The following RGSL1 variants were observed in gnomAD, a reference collection of about 807,000 sequenced individuals.
RGSL1 encodes the protein regulator of G protein signaling like 1.
A neutral mutation model predicts 124.7 loss-of-function variants in RGSL1; 97 were observed. The ratio of observed to expected loss-of-function variants is 0.78; its 90% CI spans 0.66 to 0.92. The LOEUF is 0.92. Ranked by LOEUF, RGSL1 falls within the 40% of genes least tolerant of loss-of-function variation. The pLI is 0.00. For missense variants in RGSL1, 1,233 were observed against 1,288.4 expected, an observed-to-expected ratio of 0.96 and a Z score of 0.66; for synonymous variants, 424 against 438.1, an observed-to-expected ratio of 0.97 and a Z score of 0.40.
At chr1:182,523,356 T>C (rs536777047) in intron 10 of RGSL1, among the ~76,000 whole-genome samples, 2 of 152,230 alleles carry the variant, frequency 1.3e-5, no homozygotes, top group Admixed American at 6.5e-5. Context: ...CGTTTATTGA[T>C]GACATTCATT....
intron 6 of RGSL1, among the ~76,000 whole-genome samples, chr1:182,479,516 A>G (rs764471296): frequency 5.3e-5 from 8 of 152,190 alleles, no homozygotes; most frequent in Non-Finnish European, 1.2e-4. Context: ...AAAGATAAAA[A>G]GAAAATAAAG....
chr1:182,455,235 A>G (rs1239415014), intron 2 of RGSL1, among the ~76,000 whole-genome samples: 4 of 152,178 alleles, frequency 2.6e-5, no homozygotes, highest in Non-Finnish European at 5.9e-5. Flanking sequence ...AAAGACAAGG[A>G]GGTACTTGAC....
chr1:182,559,079 T>A (rs999964512), intron 21 of RGSL1, among the ~76,000 whole-genome samples: 3 of 152,208 alleles, frequency 2.0e-5, no homozygotes, highest in African/African-American at 7.2e-5. Context: ...TAGCTCTGAC[T>A]ATTCTTTCTG....
Position 182,553,514 on chromosome 1 carries a change from C to A in RGSL1, c.3103C>A (p.Arg1035=), listed in dbSNP as rs373882372. ...AGGTATTGAGTGGTTGCAGCCTCAACGGGAAGCAATAAGTTCAGTTCAAAA... is the reference window on the plus strand; with the variant it reads ...AGGTATTGAGTGGTTGCAGCCTCAAAGGGAAGCAATAAGTTCAGTTCAAAA... The part of the protein sequence containing the change: ...LRGIEWLQPQ[R]EAISSVQNSS... Residue 1035 remains arginine (R), a synonymous_variant, in exon 19 of 22, where the codon CGG becomes AGG. Coordinates refer to ENST00000294854, the MANE Select transcript of RGSL1 (RefSeq NM_001137669.2). The A allele has an allele frequency of 6.4e-7, 1 of 1,551,894 alleles. No individual in the cohort carries two copies. Among genetic ancestry groups the A allele is most frequent in the Middle Eastern group, 1.7e-4 (1 of 5,994 alleles).
chr1:182,454,586 A>ATGTG (rs68163917), intron 2 of RGSL1, among the ~76,000 whole-genome samples: 2,058 of 144,570 alleles, frequency 0.014, 30 homozygotes, highest in African/African-American at 0.045. Context: ...CTTGAGTTGT[A>ATGTG]TGTGTGTGTG....
intron 8 of RGSL1, among the ~76,000 whole-genome samples, chr1:182,491,089 T>A (rs919313437): frequency 2.0e-5 from 3 of 151,144 alleles, no homozygotes; most frequent in Non-Finnish European, 4.4e-5. Context: ...GGTCTTGCCA[T>A]GTTGCCCAGG....
At chr1:182,514,393 C>T (rs1657703653) in intron 9 of RGSL1, among the ~76,000 whole-genome samples, 1 of 152,202 alleles carries the variant, frequency 6.6e-6, no homozygotes. Context: ...AGTTCGCCCC[C>T]TTCCCTGATG....
chr1:182,479,238 A>G (rs918084309), intron 6 of RGSL1, among the ~76,000 whole-genome samples: 1 of 152,216 alleles, frequency 6.6e-6, no homozygotes, highest in African/African-American at 2.4e-5. Flanking sequence ...CACTTTGAAC[A>G]CTAGTGTGTA....
chr1:182,490,860 G>T (rs1002923450), intron 8 of RGSL1, among the ~76,000 whole-genome samples: 2 of 151,436 alleles, frequency 1.3e-5, no homozygotes, highest in African/African-American at 2.4e-5. Flanking sequence ...TCTCAGGTAG[G>T]TTGGTGTCTC....
chr1:182,557,173 T>C (rs1285016868), intron 21 of RGSL1, among the ~76,000 whole-genome samples: 1 of 152,154 alleles, frequency 6.6e-6, no homozygotes, highest in African/African-American at 2.4e-5. Flanking sequence ...GGAGAGCCCC[T>C]TGGGCCCCTG....
rs983784635 is a variant in RGSL1, at chr1:182,473,853, A to T, written c.742A>T (p.Ser248Cys). 1.3e-6 allele frequency: 2 copies of T among 1,551,692 alleles called. No homozygotes were observed. Among genetic ancestry groups the T allele is most frequent in the African/African-American group, 2.7e-5 (2 of 73,052 alleles). ...CCACCACTTTCAGAAACGGTACTCA[A>T]GCAGGAAAGCCAAGAGGAAGATGTG... ...KCHHFQKRYS[S>C]RKAKRKMWQL... The change falls in exon 6 of 22, where the codon AGC (serine) becomes TGC (cysteine). Residue 248 changes from serine (S) to cysteine (C), a missense_variant. By Grantham distance (112) the Ser-to-Cys change is moderately radical (BLOSUM62 -1). Coordinates refer to ENST00000294854, the MANE Select transcript of RGSL1 (RefSeq NM_001137669.2).
chr1:182,530,917 G>T lies in RGSL1; in HGVS notation c.2364+7G>T. The T allele has an allele frequency of 6.5e-7, 1 of 1,544,476 alleles. No homozygotes were observed. ...TTACCTACAGGAATCCCAGGTTAGT[G>T]AAGAAGAAAGTGAAACAAGACATTA... On this transcript the variant is annotated splice_region_variant and intron_variant, in intron 13 of 21. Coordinates refer to ENST00000294854, the MANE Select transcript of RGSL1 (RefSeq NM_001137669.2).
At chr1:182,465,295 T>C (rs1006490700) in intron 4 of RGSL1, among the ~76,000 whole-genome samples, 1 of 152,064 alleles carries the variant, frequency 6.6e-6, no homozygotes, top group Admixed American at 6.5e-5. Flanking sequence ...TAAAAAAGGA[T>C]GAGTTCATGT....
intron 21 of RGSL1, among the ~76,000 whole-genome samples, chr1:182,557,977 G>A (rs1002565982): frequency 2.0e-5 from 3 of 152,050 alleles, no homozygotes; most frequent in African/African-American, 7.3e-5. Flanking sequence ...ACTGGAGAAC[G>A]TGTCCCAAAG....
At chr1:182,531,664 ACTC>A (rs1297898212) in intron 13 of RGSL1, among the ~76,000 whole-genome samples, 1 of 152,076 alleles carries the variant, frequency 6.6e-6, no homozygotes, top group Non-Finnish European at 1.5e-5. Flanking sequence ...ATATGAATAA[ACTC>A]CATGTCAGGG....
Position 182,553,449 on chromosome 1 carries a change from C to T in RGSL1, c.3044-6C>T. The T allele has an allele frequency of 6.4e-7, 1 of 1,550,996 alleles. No individual in the cohort carries two copies. The highest frequency in any genetic ancestry group is 8.7e-7 in the Non-Finnish European group (1 of 1,146,470). On this transcript the variant is annotated splice_polypyrimidine_tract_variant and splice_region_variant and intron_variant, in intron 18 of 21. Transcript: ENST00000294854. The stretch of plus-strand genomic sequence containing the variant: ...GTTTTTAATGCTTGTTTTTGTCCTT[C>T]CCCAGGAGACAATGCCATCTTAAGG...
At chr1:182,540,987 A>G (rs1222412973) in intron 15 of RGSL1, among the ~76,000 whole-genome samples, 1 of 152,184 alleles carries the variant, frequency 6.6e-6, no homozygotes, top group Non-Finnish European at 1.5e-5. Flanking sequence ...ATAGATTTAC[A>G]TATTTTGGAG....
intron 21 of RGSL1, among the ~76,000 whole-genome samples, chr1:182,556,686 A>G (rs934628401): frequency 1.3e-5 from 2 of 152,214 alleles, no homozygotes; most frequent in Admixed American, 6.5e-5. Context: ...GTAACTTTTC[A>G]TGCACAAAAG....
intron 9 of RGSL1, among the ~76,000 whole-genome samples, chr1:182,506,672 T>A (rs1240760094): frequency 6.6e-6 from 1 of 152,212 alleles, no homozygotes; most frequent in Non-Finnish European, 1.5e-5. Context: ...ACAATTGCCT[T>A]TTAGTAAGCA....
Sources: gnomAD v4.1 joint callset for allele counts (sites outside exome capture counted in the v4.1 genomes callset) on GRCh38, gnomAD v4.1.1 for gene constraint, MANE v1.5 for transcripts, NCBI Gene and HGNC (gene_info 2026-07-23, HGNC 2026-07-21) for gene names.